Variants in HIVEP3 observed in about 807,000 individuals in gnomAD.
HIVEP3 encodes HIVEP zinc finger 3.
Under a neutral mutation model 152.8 loss-of-function variants are expected in HIVEP3, and 49 were observed. That is an observed-to-expected ratio of 0.32 (90% CI 0.26 to 0.41). HIVEP3 has a LOEUF of 0.41. HIVEP3 is among the 10% of genes least tolerant of loss of function. The pLI is 1.00. For missense variants in HIVEP3, 2,790 were observed against 3,103.3 expected, an observed-to-expected ratio of 0.90 and a Z score of 2.40; for synonymous variants, 1,269 against 1,289.0, an observed-to-expected ratio of 0.98 and a Z score of 0.33.
intron 1 of HIVEP3, among the ~76,000 whole-genome samples, chr1:41,723,501 CCA>C (rs35823066): frequency 0.41 from 59,646 of 145,984 alleles, 11,919 homozygotes; most frequent in Middle Eastern, 0.53. Flanking sequence ...CACACAGCCA[CCA>C]CACACACACA....
intron 1 of HIVEP3, among the ~76,000 whole-genome samples, chr1:41,823,908 T>C (rs919735562): frequency 6.6e-6 from 1 of 152,188 alleles, no homozygotes; most frequent in Admixed American, 6.5e-5. Context: ...ACCAAATATT[T>C]TAAAAATCCA....
rs1483724600 is a variant in HIVEP3 at position 41,582,202 on chromosome 1, G to A, written c.2596C>T (p.Arg866Trp). The change falls in exon 4 of 9, where the codon CGG (arginine) becomes TGG (tryptophan). Residue 866 changes from arginine to tryptophan, a missense_variant. Arg to Trp is a moderately radical substitution (Grantham distance 101). This residue lies in a region of HIVEP3 where 1,078 missense variants were observed against 1,165.3 expected (regional missense o/e 0.93). Transcript: ENST00000372583. This position sits in a 1 kb window ranked among gnomAD's most constrained non-coding sequence, Gnocchi z 4.7. ...GGCGGCTCTGGCTCTGTGTCCGGCC[G>A]GTCAGGCTCCTCAGTTACTAGGATC... The part of the protein sequence containing the change: ...PEILVTEEPD[R>W]PDTEPEPPPK... 5.6e-6 allele frequency: 9 copies of A among 1,614,002 alleles called. No homozygotes were observed. The highest frequency in any genetic ancestry group is 3.3e-5 in the Admixed American group (2 of 60,002).
chr1:41,864,098 G>A (rs916393257), intron 1 of HIVEP3, among the ~76,000 whole-genome samples: 3 of 152,022 alleles, frequency 2.0e-5, no homozygotes, highest in African/African-American at 4.8e-5. Flanking sequence ...CTTCCCATCC[G>A]CTCTCCCCTA....
chr1:41,762,171 C>T (rs955618131), intron 1 of HIVEP3, among the ~76,000 whole-genome samples: 1 of 152,190 alleles, frequency 6.6e-6, no homozygotes. Context: ...CGGACCCAGC[C>T]ACATTGAGGG....
At chr1:42,026,494 G>A (rs1253538506) in intron 1 of HIVEP3, among the ~76,000 whole-genome samples, 3 of 151,652 alleles carry the variant, frequency 2.0e-5, no homozygotes, top group Non-Finnish European at 4.4e-5. Flanking sequence ...TGGAATTTTG[G>A]TCCAAATAAC....
intron 2 of HIVEP3, among the ~76,000 whole-genome samples, chr1:41,653,304 C>A (rs540642952): frequency 6.6e-5 from 10 of 151,932 alleles, no homozygotes; most frequent in Admixed American, 2.0e-4. Flanking sequence ...AAGCTGCACA[C>A]AGTACCCACC....
At chr1:41,886,712 C>CAAAAAAAAAAAAAAAAAAAAAAAAA (rs71062602) in intron 1 of HIVEP3, among the ~76,000 whole-genome samples, 3 of 87,788 alleles carry the variant, frequency 3.4e-5, no homozygotes, top group African/African-American at 1.3e-4. Flanking sequence ...AACTCCATTT[C>CAAAAAAAAAAAAAAAAAAAAAAAAA]AAAAAAAAAA....
chr1:41,667,388 G>C (rs1224297331), intron 2 of HIVEP3, among the ~76,000 whole-genome samples: 1 of 152,234 alleles, frequency 6.6e-6, no homozygotes, highest in Non-Finnish European at 1.5e-5. Context: ...TCTGGCCTAA[G>C]CTCTGAGACT....
rs999216597 is a variant in HIVEP3 at position 41,584,664 on chromosome 1, G to A, written c.134C>T (p.Thr45Ile). The A allele has an allele frequency of 2.5e-6, 4 of 1,591,294 alleles. No homozygotes were observed. Among genetic ancestry groups the A allele is most frequent in the East Asian group, 2.2e-5 (1 of 44,644 alleles). ...GAGCTCTTGGGCGGGGCTCTCTTGG[G>A]TGGCAGCTGTGCCGCTGCCTGGGTA... ...VPYPGSGTAA[T>I]QESPAQELLA... Residue 45 changes from threonine (T) to isoleucine (I), a missense_variant, in exon 4 of 9, where the codon ACC (threonine) becomes ATC (isoleucine). Coordinates refer to ENST00000372583, the MANE Select transcript of HIVEP3 (RefSeq NM_024503.5). The surrounding 1 kb of genome is among the most constrained non-coding windows in gnomAD (Gnocchi z 5.2).
chr1:41,616,348 C>T (rs373645587), intron 3 of HIVEP3, among the ~76,000 whole-genome samples: 8 of 152,230 alleles, frequency 5.3e-5, no homozygotes, highest in South Asian at 2.1e-4. Context: ...GCACAAAGGA[C>T]GTGTCTTGGC....
chr1:41,993,454 C>T (rs1645375571), intron 1 of HIVEP3, among the ~76,000 whole-genome samples: 1 of 151,128 alleles, frequency 6.6e-6, no homozygotes, highest in African/African-American at 2.4e-5. Flanking sequence ...AATGAGATAC[C>T]ATCTCACACC....
chr1:41,533,415 A>G lies in HIVEP3; in HGVS notation c.5208-8505T>C, dbSNP rs1643317234. On this transcript the variant is annotated intron_variant, in intron 5 of 8. Coordinates refer to ENST00000372583, the MANE Select transcript of HIVEP3 (RefSeq NM_024503.5). This position sits in a 1 kb window ranked among gnomAD's most constrained non-coding sequence, Gnocchi z 4.3. ...CCAGCTCTCTTCCCATCACAAATCAACCAGCCCCAAGCCTCCCTGGGCCCA... is the reference window on the plus strand; with the variant it reads ...CCAGCTCTCTTCCCATCACAAATCAGCCAGCCCCAAGCCTCCCTGGGCCCA... 6.6e-6 allele frequency among the ~76,000 whole-genome samples: 1 copy of G among 151,442 alleles called. No individual in the cohort carries two copies. Among genetic ancestry groups the G allele is most frequent in the Non-Finnish European group, 1.5e-5 (1 of 67,854 alleles).
chr1:41,567,989 C>T (rs34600414), intron 5 of HIVEP3, among the ~76,000 whole-genome samples: 6,415 of 152,324 alleles, frequency 0.042, 166 homozygotes, highest in Middle Eastern at 0.1. Context: ...GTTCAGGGAC[C>T]TGCCCTCTCA....
intron 1 of HIVEP3, among the ~76,000 whole-genome samples, chr1:41,785,627 A>T (rs1354526088): frequency 6.6e-6 from 1 of 152,220 alleles, no homozygotes; most frequent in Non-Finnish European, 1.5e-5. Flanking sequence ...ATATTAAATG[A>T]GACGAAACCA....
chr1:41,891,288 A>G (rs753333276), intron 1 of HIVEP3, among the ~76,000 whole-genome samples: 1 of 152,202 alleles, frequency 6.6e-6, no homozygotes, highest in Non-Finnish European at 1.5e-5. Context: ...AAAAGCCCCA[A>G]ACTTATTTCC....
intron 1 of HIVEP3, among the ~76,000 whole-genome samples, chr1:41,968,900 T>A (rs1188711307): frequency 6.6e-6 from 1 of 151,978 alleles, no homozygotes; most frequent in Non-Finnish European, 1.5e-5. Flanking sequence ...TCACAAGCAT[T>A]TCTATACACA....
chr1:41,666,793 T>C (rs1283374159), intron 2 of HIVEP3, among the ~76,000 whole-genome samples: 1 of 152,082 alleles, frequency 6.6e-6, no homozygotes, highest in Non-Finnish European at 1.5e-5. Context: ...TTCAAGTGGG[T>C]CCCTGTTCAG....
chr1:42,031,025 C>T (rs974481562), intron 1 of HIVEP3, among the ~76,000 whole-genome samples: 2 of 152,220 alleles, frequency 1.3e-5, no homozygotes, highest in Non-Finnish European at 2.9e-5. Context: ...CTCAGACTCT[C>T]TCATCAACAG....
chr1:41,526,561 A>ACCCT (rs574263412), intron 5 of HIVEP3, among the ~76,000 whole-genome samples: 2,650 of 34,764 alleles, frequency 0.076, 43 homozygotes, highest in Middle Eastern at 0.17. Context: ...CCTCACCCTC[A>ACCCT]CACACCCTCA....
Sources: gnomAD v4.1 joint callset for allele counts (sites outside exome capture counted in the v4.1 genomes callset) on GRCh38, gnomAD v4.1.1 for gene constraint, gnomAD v4.1.1 regional missense constraint, Gnocchi (gnomAD v3.1) non-coding constraint, MANE v1.5 for transcripts, NCBI Gene and HGNC (gene_info 2026-07-23, HGNC 2026-07-21) for gene names.